OXNAD1: variants seen among roughly 807,000 people sequenced by gnomAD.
OXNAD1 encodes oxidoreductase NAD binding domain containing 1.
Under a neutral mutation model 32.9 loss-of-function variants are expected in OXNAD1, and 34 were observed. The observed-to-expected ratio is 1.03, with a 90% CI of 0.79 to 1.38. The LOEUF (loss-of-function observed/expected upper bound fraction) is 1.38, where lower values mean the gene tolerates loss of function less well. Ranked by LOEUF, OXNAD1 falls within the 40% of genes most tolerant of loss-of-function variation. The pLI, the probability that OXNAD1 is intolerant of heterozygous loss-of-function variation, is 0.00. For missense variants in OXNAD1, 407 were observed against 379.4 expected, an observed-to-expected ratio of 1.07 and a Z score of -0.60; for synonymous variants, 134 against 135.2, an observed-to-expected ratio of 0.99 and a Z score of 0.06.
chr3:16,315,538 A>G (rs1197207663), intron 9 of OXNAD1: 66 of 152,334 alleles, frequency 4.3e-4, no homozygotes, highest in African/African-American at 1.5e-3. Flanking sequence ...TGTTTGTTAG[A>G]CACTGATGTA....
At chr3:16,272,287 G>T in intron 4 of OXNAD1, 1 of 354,312 alleles carries the variant, frequency 2.8e-6, no homozygotes, top group South Asian at 2.1e-5. Flanking sequence ...GGGTGTCAAG[G>T]GCTGAGAAAT....
chr3:16,335,700 T>A lies in OXNAD1; in HGVS notation c.*31-1412T>A, dbSNP rs1310566152. ...GCTTCATACCTAGGTGATAGCCTGA[T>A]CTGAGCAGCAACACACATGGCACAC... On this transcript the variant is annotated intron_variant, in intron 9 of 9. Coordinates refer to the OXNAD1 transcript ENST00000435829. This position sits in a 1 kb window ranked among gnomAD's most constrained non-coding sequence, Gnocchi z 4.7. 2.0e-5 allele frequency among the ~76,000 whole-genome samples: 3 copies of A among 150,730 alleles called. No homozygotes were observed. Among genetic ancestry groups the A allele is most frequent in the Non-Finnish European group, 2.9e-5 (2 of 67,906 alleles).
At chr3:16,307,197 A>G (rs751278432), downstream of OXNAD1, among the ~76,000 whole-genome samples, 25 of 152,346 alleles carry the variant, frequency 1.6e-4, 1 homozygote, top group South Asian at 1.0e-3. Flanking sequence ...TTAAAGTATC[A>G]TTATGAACTC....
chr3:16,317,351 TC>T lies in OXNAD1; in HGVS notation c.*30+13764del. ...TGAGTGAGACATACAATTCCCAGCA[TC>T]CCCCAGCCAGGCAGTACAGGCACCA... On this transcript the variant is annotated intron_variant, in intron 9 of 9. Coordinates refer to the OXNAD1 transcript ENST00000435829. The surrounding 1 kb of genome is among the most constrained non-coding windows in gnomAD (Gnocchi z 4.3). 9.1e-7 allele frequency: 1 copy of T among 1,093,400 alleles called. No individual in the cohort carries two copies. Among genetic ancestry groups the T allele is most frequent in the Non-Finnish European group, 1.3e-6 (1 of 762,674 alleles). 67.7% of individuals were successfully genotyped at this position (1,093,400 alleles called of 1,614,324 possible). A position where few individuals can be genotyped will look rare whatever the true frequency, so the allele number is the denominator to read the frequency against.
Sources: allele counts gnomAD v4.1 joint callset (sites outside exome capture counted in the v4.1 genomes callset), GRCh38; gene constraint gnomAD v4.1.1; non-coding constraint Gnocchi (gnomAD v3.1); transcripts MANE v1.5; gene names NCBI Gene and HGNC (gene_info 2026-07-23, HGNC 2026-07-21).